RSAD2: variants seen among roughly 807,000 people sequenced by gnomAD.
RSAD2 encodes radical S-adenosyl methionine domain containing 2.
In RSAD2, 38 loss-of-function variants were observed where a neutral mutation model predicts 37.7. That is an observed-to-expected ratio of 1.01 (90% CI 0.78 to 1.32). RSAD2 has a LOEUF of 1.32. Among genes scored for constraint, RSAD2 ranks in the 40% most tolerant of loss-of-function variants. The pLI is 0.00. For synonymous variants in RSAD2, 163 were observed against 157.4 expected, an observed-to-expected ratio of 1.04 and a Z score of -0.27; for missense variants, 428 against 437.5, an observed-to-expected ratio of 0.98 and a Z score of 0.19.
In RSAD2 at chr2:6,887,076, CTT is replaced by C. The variant is rs1663537021; in HGVS notation, c.652_653del (p.Phe218GlnfsTer7). On this transcript the variant is annotated frameshift_variant, in exon 3 of 6. Transcript: ENST00000382040. LOFTEE classifies it high-confidence loss of function. ...AGGTGGTGTAGGGATTATAGAGTCG[CTT>C]TCAAGATAAATTCTGTCATTAATCG... 3 of 1,614,160 alleles carry C rather than the reference CTT, an allele frequency of 1.9e-6. No homozygotes were observed. The East Asian group carries it at 6.7e-5, about 36-fold the overall frequency.
intron 4 of RSAD2, among the ~76,000 whole-genome samples, chr2:6,891,455 G>C (rs1266350968): frequency 6.6e-6 from 1 of 152,146 alleles, no homozygotes; most frequent in Non-Finnish European, 1.5e-5. Flanking sequence ...CTTATGTAAA[G>C]ATATGTTACT....
chr2:6,888,109 A>G (rs1663558688), intron 3 of RSAD2, among the ~76,000 whole-genome samples: 14 of 152,204 alleles, frequency 9.2e-5, no homozygotes. Flanking sequence ...CATCCAGACT[A>G]GAGGGCTTTG....
chr2:6,892,451 T>C (rs1431209316), intron 4 of RSAD2, among the ~76,000 whole-genome samples: 1 of 152,222 alleles, frequency 6.6e-6, no homozygotes, highest in East Asian at 1.9e-4. Flanking sequence ...ACCTCCTTTG[T>C]AAGAGGGACT....
chr2:6,891,440 A>T (rs1045253486), intron 4 of RSAD2, among the ~76,000 whole-genome samples: 1 of 152,196 alleles, frequency 6.6e-6, no homozygotes, highest in Non-Finnish European at 1.5e-5. Flanking sequence ...AGAACTAGAG[A>T]AGTACTTATG....
At position 6,878,159 on chromosome 2, in the gene RSAD2, T is replaced by G; in HGVS notation, c.346+13T>G. ...CTTAAGGAAGCTGGTGAGTACATGG[T>G]CCTAGACAGAAATCAGGATTCTCAA... On this transcript the variant is annotated intron_variant, in intron 1 of 5. Transcript: ENST00000382040. The G allele has an allele frequency of 6.2e-7, 1 of 1,600,120 alleles. No individual in the cohort carries two copies. Among genetic ancestry groups the G allele is most frequent in the Non-Finnish European group, 8.5e-7 (1 of 1,171,626 alleles).
chr2:6,894,545 C>T (rs183547087), intron 5 of RSAD2, among the ~76,000 whole-genome samples: 1 of 152,202 alleles, frequency 6.6e-6, no homozygotes, highest in African/African-American at 2.4e-5. Flanking sequence ...TGGCTCACTG[C>T]AGCCTCAGCC....
At chr2:6,865,933 A>G in exon 1 of RSAD2, 1 of 1,367,254 alleles carries the variant, frequency 7.3e-7, no homozygotes, top group Non-Finnish European at 9.5e-7. Flanking sequence ...GGCGCTCGGG[A>G]GCAGACGCTT....
intron 1 of RSAD2, among the ~76,000 whole-genome samples, chr2:6,880,789 T>C (rs1168584662): frequency 1.3e-5 from 2 of 151,932 alleles, no homozygotes; most frequent in Non-Finnish European, 2.9e-5. Flanking sequence ...ATTAAAGGTT[T>C]AAATTCACAT....
rs749854940 is a variant in RSAD2, at chr2:6,883,335, T to G, written c.347-36T>G. The G allele has an allele frequency of 3.8e-6, 6 of 1,596,094 alleles. No individual in the cohort carries two copies. The South Asian group carries it at 6.7e-5, about 18-fold the overall frequency. On this transcript the variant is annotated intron_variant, in intron 1 of 5. Transcript: ENST00000382040. ...TGCTATTAAAATAATAATGTATATT[T>G]GTGAAGTGGTAAAATTCATGTATCA...
At chr2:6,887,276 G>A in intron 3 of RSAD2, 112 bp downstream of exon 3, 1 of 741,532 alleles carries the variant, frequency 1.3e-6, no homozygotes, top group Non-Finnish European at 2.2e-6. Flanking sequence ...GACCTCGCAA[G>A]CCAGTCCAGA....
intron 5 of RSAD2, among the ~76,000 whole-genome samples, chr2:6,893,981 C>T (rs1443562254): frequency 2.0e-5 from 3 of 152,136 alleles, no homozygotes; most frequent in Non-Finnish European, 2.9e-5. Context: ...ACTATGCATC[C>T]GTGGATGTCA....
intron 2 of RSAD2, among the ~76,000 whole-genome samples, chr2:6,886,390 G>C (rs949931080): frequency 6.6e-6 from 1 of 152,156 alleles, no homozygotes; most frequent in Non-Finnish European, 1.5e-5. Context: ...CCTTTCTCTT[G>C]GTTTTCTTGG....
chr2:6,891,612 A>G (rs1278770877), intron 4 of RSAD2, among the ~76,000 whole-genome samples: 1 of 152,064 alleles, frequency 6.6e-6, no homozygotes, highest in Non-Finnish European at 1.5e-5. Flanking sequence ...CTGAAAATAC[A>G]AAAAATTAGC....
chr2:6,892,904 G>A (rs971096420), intron 4 of RSAD2, among the ~76,000 whole-genome samples: 1 of 152,202 alleles, frequency 6.6e-6, no homozygotes, highest in Non-Finnish European at 1.5e-5. Context: ...AACAAGAATC[G>A]TATTTGTGCC....
At chr2:6,895,598 G>C (rs1479784569) in intron 5 of RSAD2, among the ~76,000 whole-genome samples, 180 bp from the exon 6 acceptor site, 1 of 152,238 alleles carries the variant, frequency 6.6e-6, no homozygotes, top group Non-Finnish European at 1.5e-5. Context: ...TCTTCCACCA[G>C]ACCATGAGCT....
intron 1 of RSAD2, chr2:6,866,372 TCTCACCTGTGCACTCA>T (rs1454539491): frequency 9.9e-6 from 9 of 908,364 alleles, no homozygotes; most frequent in Non-Finnish European, 1.1e-5. Context: ...CTGTATCTTA[TCTCACCTGTGCACTCA>T]CTCACCTGTG....
chr2:6,890,116 G>A, intron 3 of RSAD2, 60 bp from the exon 4 acceptor site: 1 of 1,570,814 alleles, frequency 6.4e-7, no homozygotes, highest in Non-Finnish European at 8.7e-7. Flanking sequence ...GGGGAGTGAG[G>A]TTTGGGGGAA....
In RSAD2 at chr2:6,896,322, G is replaced by A. The variant is rs190132599; in HGVS notation, c.*380G>A. ...ATGCGTTTGTAAGAAATAAGCTCTA[G>A]TGATATCTGTGGGGGCAAAATTTAA... On this transcript the variant is annotated 3_prime_UTR_variant, in exon 6 of 6. Coordinates refer to ENST00000382040, the MANE Select transcript of RSAD2 (RefSeq NM_080657.5). 179 of 161,486 alleles carry A rather than the reference G, an allele frequency of 1.1e-3. No homozygotes were observed. The highest frequency in any genetic ancestry group is 2.4e-3 in the South Asian group (12 of 4,960). 10.0% of individuals were successfully genotyped at this position (161,486 alleles called of 1,614,324 possible).
chr2:6,888,006 A>G (rs10198816), intron 3 of RSAD2, among the ~76,000 whole-genome samples: 14,408 of 152,310 alleles, frequency 0.095, 789 homozygotes, highest in Non-Finnish European at 0.12. Context: ...GCTGAGCTTA[A>G]GTGGAAGGCT....
Sources: allele counts gnomAD v4.1 joint callset (sites outside exome capture counted in the v4.1 genomes callset), GRCh38; gene constraint gnomAD v4.1.1; transcripts MANE v1.5; gene names NCBI Gene and HGNC (gene_info 2026-07-23, HGNC 2026-07-21).